The following SKAP2 variants were observed in gnomAD, a reference collection of about 807,000 sequenced individuals.
The protein encoded by SKAP2 is src kinase associated phosphoprotein 2, also known as src kinase-associated phosphoprotein 2.
A neutral mutation model predicts 54.9 loss-of-function variants in SKAP2; 28 were observed. The observed-to-expected ratio is 0.51, with a 90% CI of 0.38 to 0.70. The LOEUF (loss-of-function observed/expected upper bound fraction) is 0.70. Ranked by LOEUF, SKAP2 falls within the 30% of genes least tolerant of loss-of-function variation. SKAP2 has a pLI of 0.00. For synonymous variants in SKAP2, 137 were observed against 134.3 expected (o/e 1.02, Z -0.14); for missense variants, 356 against 424.1 (o/e 0.84, Z 1.41).
At chr7:26,842,762 T>C (rs891375529) in intron 4 of SKAP2, among the ~76,000 whole-genome samples, 3 of 151,944 alleles carry the variant, frequency 2.0e-5, no homozygotes, top group African/African-American at 4.8e-5. Flanking sequence ...ATTTCTTTGA[T>C]TATAAAACAT....
At chr7:26,777,049 C>G (rs1225951049) in intron 4 of SKAP2, among the ~76,000 whole-genome samples, 2 of 152,182 alleles carry the variant, frequency 1.3e-5, no homozygotes, top group African/African-American at 4.8e-5. Context: ...GTAGCTGGGA[C>G]TTCCAGGAGG....
chr7:26,750,670 T>G (rs1361022876), intron 4 of SKAP2, among the ~76,000 whole-genome samples: 1 of 152,156 alleles, frequency 6.6e-6, no homozygotes, highest in East Asian at 1.9e-4. Context: ...TGGGTCAATT[T>G]TGCTTCTTAA....
intron 4 of SKAP2, among the ~76,000 whole-genome samples, chr7:26,785,913 T>C (rs550182087): frequency 6.6e-6 from 1 of 152,306 alleles, no homozygotes; most frequent in African/African-American, 2.4e-5. Context: ...ATACAGGCCC[T>C]GGGAGCAAGC....
Position 26,833,957 on chromosome 7 carries a change from T to C in SKAP2, c.307+10073A>G, listed in dbSNP as rs551517620. ...GACCACATAATTGGAAGTAAAACACTCCTCAGCAAATGCAAAAGAACAGAA... is the reference window on the plus strand; with the variant it reads ...GACCACATAATTGGAAGTAAAACACCCCTCAGCAAATGCAAAAGAACAGAA... On this transcript the variant is annotated intron_variant, in intron 4 of 12. Coordinates refer to ENST00000345317, the MANE Select transcript of SKAP2 (RefSeq NM_003930.5). 8.5e-5 allele frequency among the ~76,000 whole-genome samples: 13 copies of C among 152,198 alleles called. No individual in the cohort carries two copies. The East Asian group carries it at 1.5e-3, about 18-fold the overall frequency.
intron 9 of SKAP2, among the ~76,000 whole-genome samples, chr7:26,722,427 T>G (rs2127954632): frequency 7.3e-6 from 1 of 136,714 alleles, no homozygotes; most frequent in South Asian, 2.4e-4. Context: ...AGTCTCACTC[T>G]GTTGCCCAGG....
At chr7:26,752,730 A>G (rs1782712574) in intron 4 of SKAP2, among the ~76,000 whole-genome samples, 2 of 152,206 alleles carry the variant, frequency 1.3e-5, no homozygotes, top group African/African-American at 4.8e-5. Context: ...ACACTTATTT[A>G]TCAATTTACA....
At chr7:26,826,061 C>A (rs1784486400) in intron 4 of SKAP2, among the ~76,000 whole-genome samples, 1 of 151,984 alleles carries the variant, frequency 6.6e-6, no homozygotes, top group Non-Finnish European at 1.5e-5. Flanking sequence ...GCTGGCCTTA[C>A]CCCTCTCCAC....
At chr7:26,854,976 A>G in intron 1 of SKAP2, 86 bp from the exon 2 acceptor site, 3 of 925,972 alleles carry the variant, frequency 3.2e-6, no homozygotes, top group Non-Finnish European at 4.8e-6. Flanking sequence ...TTGTTTCTAC[A>G]TATAAGTGTT....
At chr7:26,767,500 C>T (rs1783086369) in intron 4 of SKAP2, among the ~76,000 whole-genome samples, 1 of 152,082 alleles carries the variant, frequency 6.6e-6, no homozygotes, top group Non-Finnish European at 1.5e-5. Context: ...TTCTTGTCTT[C>T]TGCTAGCTTT....
At chr7:26,733,419 G>A (rs1787861258) in intron 6 of SKAP2, among the ~76,000 whole-genome samples, 1 of 151,582 alleles carries the variant, frequency 6.6e-6, no homozygotes, top group Non-Finnish European at 1.5e-5. Flanking sequence ...AAATGAATCA[G>A]AAGAAAAAAG....
downstream of SKAP2, among the ~76,000 whole-genome samples, chr7:26,666,125 T>C (rs1490609601): frequency 6.6e-6 from 1 of 152,098 alleles, no homozygotes; most frequent in Non-Finnish European, 1.5e-5. Context: ...TCAATAGTCA[T>C]GAACCTACTG....
Position 26,667,353 on chromosome 7 carries a change from A to G in SKAP2, c.*2313T>C, listed in dbSNP as rs1042081770. On this transcript the variant is annotated 3_prime_UTR_variant, in exon 13 of 13. Coordinates refer to ENST00000345317, the MANE Select transcript of SKAP2 (RefSeq NM_003930.5). ...TAATGATATTATTATGATCTTGAAGAGTATGTGATATATTGTCAAGGGTGT... is the reference window on the plus strand; with the variant it reads ...TAATGATATTATTATGATCTTGAAGGGTATGTGATATATTGTCAAGGGTGT... The G allele has an allele frequency of 6.6e-6, 1 of 152,168 alleles. No homozygotes were observed. Among genetic ancestry groups the G allele is most frequent in the Non-Finnish European group, 1.5e-5 (1 of 68,016 alleles). The allele number at this position is 152,168 out of a possible 1,614,324, so 9.4% of individuals were successfully genotyped here.
At chr7:26,761,837 T>C (rs775798861) in intron 4 of SKAP2, among the ~76,000 whole-genome samples, 1 of 152,064 alleles carries the variant, frequency 6.6e-6, no homozygotes. Flanking sequence ...GAGGCGGAGG[T>C]TGCAGTGAGC....
intron 4 of SKAP2, among the ~76,000 whole-genome samples, chr7:26,783,854 A>G (rs1180688991): frequency 6.6e-6 from 1 of 152,140 alleles, no homozygotes; most frequent in Non-Finnish European, 1.5e-5. Flanking sequence ...ATGACGAGTT[A>G]AGGGGTGCAG....
At chr7:26,702,535 T>C (rs7795074) in intron 9 of SKAP2, among the ~76,000 whole-genome samples, 104,207 of 151,530 alleles carry the variant, frequency 0.69, 36,035 homozygotes, top group East Asian at 0.9. Context: ...AGTGACAGTT[T>C]GTCAGTTCTT....
chr7:26,832,093 TA>T (rs1240043598), intron 4 of SKAP2, among the ~76,000 whole-genome samples: 1 of 152,190 alleles, frequency 6.6e-6, no homozygotes, highest in Non-Finnish European at 1.5e-5. Flanking sequence ...ATAAAACATC[TA>T]ACCACTGACA....
intron 9 of SKAP2, among the ~76,000 whole-genome samples, chr7:26,696,062 T>A (rs1350825039): frequency 6.6e-6 from 1 of 152,156 alleles, no homozygotes; most frequent in Non-Finnish European, 1.5e-5. Flanking sequence ...CTAAGGGGTA[T>A]GGGCAAAAGA....
At chr7:26,794,356 T>C (rs1050305310) in intron 4 of SKAP2, among the ~76,000 whole-genome samples, 2 of 152,192 alleles carry the variant, frequency 1.3e-5, no homozygotes, top group Non-Finnish European at 2.9e-5. Context: ...GTATGGCAGA[T>C]ATACCTGAAT....
chr7:26,731,971 C>G (rs2127958335), intron 6 of SKAP2, among the ~76,000 whole-genome samples: 1 of 152,320 alleles, frequency 6.6e-6, no homozygotes, highest in Middle Eastern at 3.4e-3. Flanking sequence ...ATTTTAAATA[C>G]AGCATAAATA....
Sources: allele counts gnomAD v4.1 joint callset (sites outside exome capture counted in the v4.1 genomes callset), GRCh38; gene constraint gnomAD v4.1.1; transcripts MANE v1.5; gene names NCBI Gene and HGNC (gene_info 2026-07-23, HGNC 2026-07-21).